ANKIB1: variants seen among roughly 807,000 people sequenced by gnomAD.
ANKIB1 encodes ankyrin repeat and IBR domain-containing protein 1.
Under a neutral mutation model 122.1 loss-of-function variants are expected in ANKIB1, and 43 were observed. The observed-to-expected ratio is 0.35, with a 90% confidence interval of 0.28 to 0.45. ANKIB1 has a LOEUF of 0.45. ANKIB1 is among the 20% of genes least tolerant of loss of function. ANKIB1 has a pLI of 1.00. For missense variants in ANKIB1, 992 were observed against 1,329.5 expected (o/e 0.75, Z 3.95); for synonymous variants, 390 against 442.0 (o/e 0.88, Z 1.48).
intron 11 of ANKIB1, among the ~76,000 whole-genome samples, chr7:92,379,525 G>C (rs1424809982): frequency 6.6e-6 from 1 of 152,092 alleles, no homozygotes; most frequent in Non-Finnish European, 1.5e-5. Context: ...AAACAGTGTA[G>C]TGCTGGCACA....
chr7:92,285,910 T>C (rs1318991986), intron 1 of ANKIB1, among the ~76,000 whole-genome samples: 3 of 152,224 alleles, frequency 2.0e-5, no homozygotes, highest in Non-Finnish European at 4.4e-5. Flanking sequence ...AGCAAACTCA[T>C]TGTGCTTAAA....
intron 5 of ANKIB1, among the ~76,000 whole-genome samples, chr7:92,341,175 T>TGGCACATGCCTGTAGTCCC (rs1168958902): frequency 2.8e-4 from 43 of 152,042 alleles, no homozygotes; most frequent in African/African-American, 9.7e-4. Context: ...CCTGGAGTGG[T>TGGCACATGCCTGTAGTCCC]GGCACATGCC....
Position 92,398,716 on chromosome 7 carries a change from G to A in ANKIB1, c.3037G>A (p.Asp1013Asn), listed in dbSNP as rs1562803349. ...CAAAGATGGGTCAGAAGGTGTGAAG[G>A]ATGTGGAACTGGTGCTGCCAGAAGA... ...CIKDGSEGVK[D>N]VELVLPEDSM... is the part of the protein sequence containing the mutation. The change falls in exon 20 of 20, where the codon GAT becomes AAT. Residue 1013 changes from aspartate to asparagine, a missense_variant. By Grantham distance (23) the Asp-to-Asn change is conservative. This residue lies in a region of ANKIB1 where 384 missense variants were observed against 412.0 expected (regional missense o/e 0.93). Coordinates refer to ENST00000265742, the MANE Select transcript of ANKIB1 (RefSeq NM_019004.2). The A allele has an allele frequency of 2.5e-6, 4 of 1,613,572 alleles. No homozygotes were observed. Among genetic ancestry groups the A allele is most frequent in the Non-Finnish European group, 1.7e-6 (2 of 1,179,726 alleles).
chr7:92,327,921 T>C (rs1803061936), intron 5 of ANKIB1, 21 bp downstream of exon 5: 6 of 1,487,826 alleles, frequency 4.0e-6, no homozygotes, highest in Non-Finnish European at 5.5e-6. Context: ...AAATGTCTTA[T>C]GCTTCTAAGA....
In ANKIB1 at chr7:92,332,245, C is replaced by T. The variant is rs148829668; in HGVS notation, c.787+4345C>T. Among the ~76,000 whole-genome samples the T allele has an allele frequency of 6.1e-3, 929 of 152,270 alleles. 7 individuals are homozygous for T. The highest frequency in any genetic ancestry group is 9.9e-3 in the Non-Finnish European group (676 of 68,026). Reference sequence around the variant, plus strand: ...ATAAGATTTACAGAGATAAGTGATGCTTGTGAGTTAGTGCACATAACTACA... The same window carrying T: ...ATAAGATTTACAGAGATAAGTGATGTTTGTGAGTTAGTGCACATAACTACA... On this transcript the variant is annotated intron_variant, in intron 5 of 19. Coordinates refer to ENST00000265742, the MANE Select transcript of ANKIB1 (RefSeq NM_019004.2).
chr7:92,282,912 C>T (rs1287604685), intron 1 of ANKIB1, among the ~76,000 whole-genome samples: 1 of 152,042 alleles, frequency 6.6e-6, no homozygotes, highest in Non-Finnish European at 1.5e-5. Flanking sequence ...AGTTGTATTC[C>T]AAGTTTCGAC....
At chr7:92,374,236 G>A (rs185992812) in intron 11 of ANKIB1, among the ~76,000 whole-genome samples, 1,812 of 152,286 alleles carry the variant, frequency 0.012, 16 homozygotes, top group Non-Finnish European at 0.016. Context: ...CAGCACTTTG[G>A]GAGGCTGAGG....
At chr7:92,262,873 A>G (rs893302392) in intron 1 of ANKIB1, among the ~76,000 whole-genome samples, 7 of 152,178 alleles carry the variant, frequency 4.6e-5, no homozygotes, top group African/African-American at 1.7e-4. Context: ...CCTACTATTT[A>G]ACAAACATTG....
In ANKIB1 at chr7:92,398,481, T is replaced by G; in HGVS notation, c.2802T>G (p.Thr934=). The G allele has an allele frequency of 6.2e-7, 1 of 1,613,980 alleles. No individual in the cohort carries two copies. The highest frequency in any genetic ancestry group is 8.5e-7 in the Non-Finnish European group (1 of 1,179,870). ...RLGAENDPFS[T]DTLSSHPLSE... ...GAGCAGAGAATGACCCATTTTCAAC[T>G]GACACCCTGAGCTCACACCCTCTCA... The change falls in exon 20 of 20, where the codon ACT becomes ACG. Residue 934 remains threonine, a synonymous_variant. Coordinates refer to ENST00000265742, the MANE Select transcript of ANKIB1 (RefSeq NM_019004.2).
chr7:92,307,953 A>G (rs934526693), intron 3 of ANKIB1, among the ~76,000 whole-genome samples: 1 of 151,412 alleles, frequency 6.6e-6, no homozygotes, highest in South Asian at 2.1e-4. Context: ...AGCTGGGACT[A>G]CAGGCACGCG....
chr7:92,282,462 G>A (rs1023735108), intron 1 of ANKIB1, among the ~76,000 whole-genome samples: 1 of 152,146 alleles, frequency 6.6e-6, no homozygotes, highest in African/African-American at 2.4e-5. Context: ...TACTTTTTGT[G>A]TCTGTCTTAG....
In ANKIB1 at chr7:92,275,441, C is replaced by G. The variant is rs373546080; in HGVS notation, c.-90-19448C>G. On this transcript the variant is annotated intron_variant, in intron 1 of 19. Coordinates refer to ENST00000265742, the MANE Select transcript of ANKIB1 (RefSeq NM_019004.2). ...GGTGCTGCCCATCACCAACTCAGGA[C>G]GGTATTTGAAAATACCTGGAAAAAT... 3.2e-4 allele frequency among the ~76,000 whole-genome samples: 48 copies of G among 152,182 alleles called. 1 individual carries two copies. Among genetic ancestry groups the G allele is most frequent in the African/African-American group, 9.9e-4 (41 of 41,504 alleles).
intron 1 of ANKIB1, among the ~76,000 whole-genome samples, chr7:92,255,415 C>T (rs960242686): frequency 6.6e-6 from 1 of 152,160 alleles, no homozygotes; most frequent in Non-Finnish European, 1.5e-5. Context: ...TATAGTGGTT[C>T]CACAGTGCTA....
chr7:92,300,903 A>C (rs1802444631), intron 2 of ANKIB1, among the ~76,000 whole-genome samples: 2 of 152,072 alleles, frequency 1.3e-5, no homozygotes, highest in South Asian at 2.1e-4. Flanking sequence ...TCTGTTCCTG[A>C]GTTCAACTTT....
At chr7:92,266,869 A>G (rs942369872) in intron 1 of ANKIB1, among the ~76,000 whole-genome samples, 4 of 152,216 alleles carry the variant, frequency 2.6e-5, no homozygotes, top group Middle Eastern at 3.2e-3. Flanking sequence ...TCCCTCCCAT[A>G]TCTTCTACTG....
In ANKIB1 at chr7:92,246,413, G is replaced by C. The variant is rs763345054; in HGVS notation, c.-197G>C. The C allele has an allele frequency of 2.0e-6, 1 of 502,838 alleles. No homozygotes were observed. Among genetic ancestry groups the C allele is most frequent in the Non-Finnish European group, 3.9e-6 (1 of 254,718 alleles). 31.1% of individuals were successfully genotyped at this position (502,838 alleles called of 1,614,324 possible). ...GCAACCGTCCGGGTGGGTGGGGCGG[G>C]CTGGGTACCTGAGGTCACCAGCTCG... On this transcript the variant is annotated 5_prime_UTR_variant, in exon 1 of 20. Coordinates refer to ENST00000265742, the MANE Select transcript of ANKIB1 (RefSeq NM_019004.2).
At position 92,355,761 on chromosome 7, in the gene ANKIB1, A is replaced by T. The variant is rs534184861; in HGVS notation, c.1397+3119A>T. On this transcript the variant is annotated intron_variant, in intron 9 of 19. Coordinates refer to ENST00000265742, the MANE Select transcript of ANKIB1 (RefSeq NM_019004.2). ...ATATTCGGGAGGCTGAGGCAGGAGA[A>T]TCGCTTGAACCTGGGAGGCAGAAGT... Among the ~76,000 whole-genome samples, 8 of 151,860 alleles carry T rather than the reference A, an allele frequency of 5.3e-5. No individual in the cohort carries two copies. The East Asian group carries it at 1.6e-3, about 29-fold the overall frequency.
intron 1 of ANKIB1, among the ~76,000 whole-genome samples, chr7:92,257,389 A>G (rs1374501733): frequency 3.3e-5 from 5 of 152,188 alleles, no homozygotes; most frequent in Non-Finnish European, 7.4e-5. Flanking sequence ...TTCTATATTT[A>G]TAAGTAGAGC....
chr7:92,376,101 T>C (rs746045405), intron 11 of ANKIB1, among the ~76,000 whole-genome samples: 1 of 152,236 alleles, frequency 6.6e-6, no homozygotes, highest in African/African-American at 2.4e-5. Flanking sequence ...CAGGCTTCAT[T>C]GATCCATGTA....
Sources: allele counts gnomAD v4.1 joint callset (sites outside exome capture counted in the v4.1 genomes callset), GRCh38; gene constraint gnomAD v4.1.1; regional missense constraint gnomAD v4.1.1; transcripts MANE v1.5; gene names NCBI Gene and HGNC (gene_info 2026-07-23, HGNC 2026-07-21).